RYR3: variants seen among roughly 807,000 people sequenced by gnomAD.
RYR3 encodes the protein ryanodine receptor 3, also known as brain ryanodine receptor-calcium release channel.
Under a neutral mutation model 584.3 loss-of-function variants are expected in RYR3, and 207 were observed. That is an observed-to-expected ratio of 0.35 (90% confidence interval 0.32 to 0.40). The LOEUF is 0.40. RYR3 is among the 10% of genes least tolerant of loss of function. The pLI is 1.00. For missense variants in RYR3, 5,616 were observed against 6,089.2 expected (o/e 0.92, Z 2.59); for synonymous variants, 2,416 against 2,248.5 (o/e 1.07, Z -2.11).
At chr15:33,781,803 A>G (rs1357106778) in intron 65 of RYR3, among the ~76,000 whole-genome samples, 1 of 139,096 alleles carries the variant, frequency 7.2e-6, no homozygotes, top group Non-Finnish European at 1.6e-5. Context: ...CCTTTCCTCA[A>G]CCGCTTCAGC....
chr15:33,855,369 A>C (rs541791604), intron 98 of RYR3, among the ~76,000 whole-genome samples: 1 of 152,238 alleles, frequency 6.6e-6, no homozygotes, highest in South Asian at 2.1e-4. Flanking sequence ...ATGCCCGGCT[A>C]ATTTTTGTAT....
rs142699873 is a variant in RYR3, at chr15:33,338,222, G to A, written c.51+27126G>A. Among the ~76,000 whole-genome samples the A allele has an allele frequency of 8.0e-3, 1,224 of 152,192 alleles. 24 individuals are homozygous for A. The highest frequency in any genetic ancestry group is 0.028 in the African/African-American group (1,152 of 41,518). On this transcript the variant is annotated intron_variant, in intron 1 of 103. Coordinates refer to ENST00000634891, the MANE Select transcript of RYR3 (RefSeq NM_001036.6). ...GGCCTCCCAAAGTGCTGGGATTACA[G>A]GCGTGAGCCACCGCACCCGGCCCAT...
At chr15:33,850,865 AT>A (rs574715924) in intron 94 of RYR3, 50 of 152,208 alleles carry the variant, frequency 3.3e-4, no homozygotes, top group African/African-American at 1.2e-3. Flanking sequence ...AGTAATATTA[AT>A]TCTTAAATAA....
intron 1 of RYR3, among the ~76,000 whole-genome samples, chr15:33,426,744 T>C (rs1234159955): frequency 3.3e-5 from 5 of 152,170 alleles, no homozygotes; most frequent in Non-Finnish European, 7.4e-5. Context: ...CTGGCTGCTG[T>C]AACAAAATAT....
chr15:33,639,563 C>G (rs147739125), intron 27 of RYR3, among the ~76,000 whole-genome samples: 7 of 152,272 alleles, frequency 4.6e-5, no homozygotes, highest in South Asian at 4.2e-4. Context: ...TACCTCCCCC[C>G]ACCCCGTAAA....
At chr15:33,622,275 C>T (rs186221317) in intron 19 of RYR3, among the ~76,000 whole-genome samples, 47 of 152,336 alleles carry the variant, frequency 3.1e-4, no homozygotes, top group African/African-American at 1.1e-3. Context: ...TTCTCACCCA[C>T]GCCACCCTCC....
At chr15:33,598,355 C>T (rs2437138) in intron 16 of RYR3, among the ~76,000 whole-genome samples, 67,250 of 151,200 alleles carry the variant, frequency 0.44, 15,456 homozygotes, top group East Asian at 0.79. Flanking sequence ...AGCCTTTTAA[C>T]TAAGCTGACT....
chr15:33,599,392 G>C (rs1342717410), intron 16 of RYR3, among the ~76,000 whole-genome samples: 5 of 152,154 alleles, frequency 3.3e-5, no homozygotes, highest in Admixed American at 2.0e-4. Flanking sequence ...AAGGTGGTCT[G>C]AGCACAGCTT....
chr15:33,779,350 C>T (rs2074236342), intron 64 of RYR3, among the ~76,000 whole-genome samples: 2 of 151,976 alleles, frequency 1.3e-5, no homozygotes, highest in African/African-American at 4.8e-5. Flanking sequence ...AAGAACCAGA[C>T]CTTAAGATAT....
Position 33,624,503 on chromosome 15 carries a change from G to A in RYR3, c.2574+480G>A, listed in dbSNP as rs1449028908. On this transcript the variant is annotated intron_variant, in intron 20 of 103. Transcript: ENST00000634891. Reference sequence around the variant, plus strand: ...CTCCAGGGGTGATATAAAAGAAATGGTATAAATAAGGGCCTAGAAGTAAAA... The same window carrying A: ...CTCCAGGGGTGATATAAAAGAAATGATATAAATAAGGGCCTAGAAGTAAAA... Among the ~76,000 whole-genome samples, 4 of 152,250 alleles carry A rather than the reference G, an allele frequency of 2.6e-5. No homozygotes were observed. In the East Asian group the frequency reaches 7.7e-4, roughly 29 times the overall value.
chr15:33,458,255 G>A lies in RYR3; in HGVS notation c.52-15164G>A, dbSNP rs138008066. On this transcript the variant is annotated intron_variant, in intron 1 of 103. Coordinates refer to ENST00000634891, the MANE Select transcript of RYR3 (RefSeq NM_001036.6). Reference sequence around the variant, plus strand: ...ACACTTTGTACTCACCCTCCCCAATGTGAGGGGGCATCATCCCATCTGAAG... The same window carrying A: ...ACACTTTGTACTCACCCTCCCCAATATGAGGGGGCATCATCCCATCTGAAG... Among the ~76,000 whole-genome samples the A allele has an allele frequency of 5.1e-3, 781 of 152,290 alleles. 3 individuals carry two copies. Among genetic ancestry groups the A allele is most frequent in the Middle Eastern group, 0.017 (5 of 294 alleles).
At chr15:33,600,904 T>G (rs571565257) in intron 16 of RYR3, among the ~76,000 whole-genome samples, 1 of 152,260 alleles carries the variant, frequency 6.6e-6, no homozygotes, top group South Asian at 2.1e-4. Flanking sequence ...TGTTAAGACC[T>G]CCGCTAATAC....
chr15:33,534,670 C>A (rs1254114171), intron 5 of RYR3, among the ~76,000 whole-genome samples: 1 of 152,198 alleles, frequency 6.6e-6, no homozygotes, highest in East Asian at 1.9e-4. Context: ...TAATATCAAA[C>A]AAGATGCTGA....
chr15:33,820,674 C>G, intron 77 of RYR3, 82 bp from the exon 78 acceptor site: 1 of 1,248,468 alleles, frequency 8.0e-7, no homozygotes, highest in Non-Finnish European at 1.1e-6. Context: ...GTCCTGTCCC[C>G]TGCCCTTGTA....
chr15:33,836,802 T>G (rs2078083294), intron 87 of RYR3, 104 bp from the exon 88 acceptor site: 2 of 778,210 alleles, frequency 2.6e-6, no homozygotes, highest in Non-Finnish European at 4.2e-6. Context: ...CCGACACTGA[T>G]GCAGCCTGCA....
chr15:33,646,728 G>T (rs887493300), intron 29 of RYR3, among the ~76,000 whole-genome samples: 3 of 152,226 alleles, frequency 2.0e-5, no homozygotes, highest in African/African-American at 7.2e-5. Context: ...CATAATTAAG[G>T]CACCAATCAT....
At chr15:33,820,665 TC>T (rs768985455) in intron 77 of RYR3, 90 bp from the exon 78 acceptor site, 55 of 1,180,156 alleles carry the variant, frequency 4.7e-5, no homozygotes, top group Non-Finnish European at 6.5e-5. Context: ...GTGAATTACG[TC>T]CTGTCCCCTG....
At position 33,613,243 on chromosome 15, in the gene RYR3, T is replaced by C. The variant is rs1158703856; in HGVS notation, c.2225T>C (p.Val742Ala). Residue 742 changes from valine (V) to alanine (A), a missense_variant, in exon 19 of 104, where the codon GTA becomes GCA. Transcript: ENST00000634891. Reference protein sequence around the residue: ...NQHLLRSDDVVSCCLDLGVPS... With the variant: ...NQHLLRSDDVASCCLDLGVPS... ...CACCTCCTGAGATCGGATGACGTGGTAAGCTGCTGCCTGGACCTCGGGGTG... is the reference window on the plus strand; with the variant it reads ...CACCTCCTGAGATCGGATGACGTGGCAAGCTGCTGCCTGGACCTCGGGGTG... The C allele has an allele frequency of 6.2e-7, 1 of 1,613,912 alleles. No homozygotes were observed. The highest frequency in any genetic ancestry group is 8.5e-7 in the Non-Finnish European group (1 of 1,179,836).
Position 33,387,593 on chromosome 15 carries a change from A to T in RYR3, c.51+76497A>T, listed in dbSNP as rs958051313. 1.6e-4 allele frequency among the ~76,000 whole-genome samples: 25 copies of T among 152,098 alleles called. 1 individual carries two copies. The highest frequency in any genetic ancestry group is 2.0e-4 in the Admixed American group (3 of 15,264). On this transcript the variant is annotated intron_variant, in intron 1 of 103. Coordinates refer to ENST00000634891, the MANE Select transcript of RYR3 (RefSeq NM_001036.6). Reference sequence around the variant, plus strand: ...TAAATATGTGCAACTAAGGATCACCAGATATTTGAAGAAAATCTGAAAAAT... The same window carrying T: ...TAAATATGTGCAACTAAGGATCACCTGATATTTGAAGAAAATCTGAAAAAT...
Sources: gnomAD v4.1 joint callset for allele counts (sites outside exome capture counted in the v4.1 genomes callset) on GRCh38, gnomAD v4.1.1 for gene constraint, MANE v1.5 for transcripts, NCBI Gene and HGNC (gene_info 2026-07-23, HGNC 2026-07-21) for gene names.